Variants in RAB3IL1 observed in about 807,000 individuals in gnomAD.
The protein encoded by RAB3IL1 is RAB3A interacting protein like 1, also known as guanine nucleotide exchange factor for Rab-3A.
Under a neutral mutation model 49.2 loss-of-function variants are expected in RAB3IL1, and 37 were observed. The observed-to-expected ratio is 0.75, with a 90% CI of 0.58 to 0.99. RAB3IL1 has a LOEUF of 0.99. Among genes scored for constraint, RAB3IL1 ranks in the 50% least tolerant of loss-of-function variants. RAB3IL1 has a pLI of 0.00. For missense variants in RAB3IL1, 484 were observed against 513.0 expected, an observed-to-expected ratio of 0.94 and a Z score of 0.55; for synonymous variants, 193 against 213.9, an observed-to-expected ratio of 0.90 and a Z score of 0.85.
rs751497624 is a variant in RAB3IL1 at position 61,908,276 on chromosome 11, C to T, written c.42G>A (p.Pro14=). The stretch of plus-strand genomic sequence containing the variant: ...AGGGGACCGGGACAGCTGCAAGGGG[C>T]GGCGGGAGGCCCTGGTCTGGCTGGG... ...GPPQPDQGLP[P]PLAAVPVPWK... The change falls in exon 2 of 10, where the codon CCG becomes CCA. Residue 14 remains proline, a synonymous_variant. Transcript: ENST00000394836. 3.4e-5 allele frequency: 51 copies of T among 1,497,664 alleles called. No homozygotes were observed. Among genetic ancestry groups the T allele is most frequent in the Non-Finnish European group, 4.3e-5 (48 of 1,125,588 alleles). The allele number at this position is 1,497,664 out of a possible 1,614,324, so 92.8% of individuals were successfully genotyped here. A position where few individuals can be genotyped will look rare whatever the true frequency, so the allele number is the denominator to read the frequency against.
At chr11:61,936,570 T>C in the RAB3IL1 span, among the ~76,000 whole-genome samples, 1 of 152,066 alleles carries the variant, frequency 6.6e-6, no homozygotes, top group Non-Finnish European at 1.5e-5. Context: ...TCAAACTCCT[T>C]ACCTTAAGTG....
At chr11:61,927,765 C>G in the RAB3IL1 span, among the ~76,000 whole-genome samples, 9 of 152,058 alleles carry the variant, frequency 5.9e-5, no homozygotes, top group Non-Finnish European at 2.9e-5. Flanking sequence ...GCACCTCCCC[C>G]TTTGCTCTCT....
intron 1 of RAB3IL1, among the ~76,000 whole-genome samples, chr11:61,915,472 TACCTAGAGGCCCAGAGAAGGAAGTCC>T (rs1565367502): frequency 6.6e-6 from 1 of 152,150 alleles, no homozygotes; most frequent in Non-Finnish European, 1.5e-5. Context: ...CCATTTATTT[TACCTAGAGGCCCAGAGAAGGAAGTCC>T]ACACTCTCAA....
the RAB3IL1 span, among the ~76,000 whole-genome samples, chr11:61,929,027 TTTAA>T: frequency 2.6e-4 from 39 of 152,322 alleles, no homozygotes; most frequent in African/African-American, 8.7e-4. Flanking sequence ...AAAAATTATT[TTTAA>T]TTATGGCTAC....
chr11:61,902,892 C>T (rs1427526112), intron 7 of RAB3IL1, among the ~76,000 whole-genome samples: 5 of 152,252 alleles, frequency 3.3e-5, no homozygotes, highest in Non-Finnish European at 1.5e-5. Context: ...GGCACTCCTC[C>T]CCCAACTAGG....
intron 1 of RAB3IL1, among the ~76,000 whole-genome samples, chr11:61,913,827 C>G (rs1304725801): frequency 6.6e-6 from 1 of 152,292 alleles, no homozygotes; most frequent in Non-Finnish European, 1.5e-5. Flanking sequence ...ATTTGCATCT[C>G]CCTCCCGCTA....
chr11:61,915,800 G>A (rs1157841654), intron 1 of RAB3IL1, among the ~76,000 whole-genome samples: 2 of 152,198 alleles, frequency 1.3e-5, no homozygotes, highest in Non-Finnish European at 2.9e-5. Flanking sequence ...CACTTTGGGA[G>A]GCTGAGGCGG....
upstream of RAB3IL1, among the ~76,000 whole-genome samples, chr11:61,922,108 C>A (rs887279385): frequency 6.6e-6 from 1 of 151,898 alleles, no homozygotes; most frequent in Non-Finnish European, 1.5e-5. Flanking sequence ...ACTCGGGAGG[C>A]TGAGGCAGGA....
chr11:61,934,321 C>T, the RAB3IL1 span, among the ~76,000 whole-genome samples: 30,551 of 105,120 alleles, frequency 0.29, 4,017 homozygotes, highest in East Asian at 0.67. Context: ...AGTAAATATA[C>T]ACACACACAC....
chr11:61,902,383 T>C, intron 8 of RAB3IL1, 59 bp downstream of exon 8: 1 of 1,428,062 alleles, frequency 7.0e-7, no homozygotes, highest in Non-Finnish European at 9.7e-7. Flanking sequence ...CAGGGCCCAG[T>C]GTCCCAGCAC....
chr11:61,902,450 G>T lies in RAB3IL1; in HGVS notation c.991C>A (p.Arg331=). The T allele has an allele frequency of 6.3e-7, 1 of 1,591,760 alleles. No individual in the cohort carries two copies. The highest frequency in any genetic ancestry group is 2.3e-5 in the East Asian group (1 of 43,982). ...TGCAAAGGCTGACTCACCCTGGCCC[G>T]GGAAGATGGCGAGATGTAGTAATGG... ...KSHYYISPSS[R]ARITAVCNFF... The change falls in exon 8 of 10, where the codon CGG becomes AGG. Residue 331 remains arginine (R), a synonymous_variant. Transcript: ENST00000394836.
At position 61,899,292 on chromosome 11, in the gene RAB3IL1, C is replaced by T. The variant is rs775732734; in HGVS notation, c.1066+22G>A. 96 of 1,599,836 alleles carry T rather than the reference C, an allele frequency of 6.0e-5. 1 individual carries two copies. The South Asian group carries it at 8.0e-4, about 13-fold the overall frequency. ...CCCACTCCCGTGTGCGATCCCTGCA[C>T]CGGCCACCAGGGGGCGCTCACCGTC... On this transcript the variant is annotated intron_variant, in intron 9 of 9. Coordinates refer to ENST00000394836, the MANE Select transcript of RAB3IL1 (RefSeq NM_013401.4).
intron 2 of RAB3IL1, 114 bp from the exon 3 acceptor site, chr11:61,907,774 A>T (rs1939273223): frequency 9.8e-7 from 1 of 1,023,128 alleles, no homozygotes; most frequent in Non-Finnish European, 1.5e-6. Flanking sequence ...TGGGGCTCAG[A>T]GTTTATTTCC....
At position 61,905,003 on chromosome 11, in the gene RAB3IL1, C is replaced by T. The variant is rs144010603; in HGVS notation, c.658-121G>A. The T allele has an allele frequency of 9.5e-4, 694 of 730,032 alleles. 1 individual carries two copies. The African/African-American group carries it at 0.011, about 12-fold the overall frequency. 45.2% of individuals were successfully genotyped at this position (730,032 alleles called of 1,614,324 possible). On this transcript the variant is annotated intron_variant, in intron 5 of 9. Transcript: ENST00000394836. ...GGGCAGGCCCAGCAAGCCAGCAGGT[C>T]GATCCCCAGCAGCCGTGCAGGGAAG...
At chr11:61,920,492 C>T (rs915595755), upstream of RAB3IL1, among the ~76,000 whole-genome samples, 6 of 152,200 alleles carry the variant, frequency 3.9e-5, no homozygotes, top group African/African-American at 1.4e-4. Flanking sequence ...CCAGATGGTC[C>T]GCTTGTCCCC....
upstream of RAB3IL1, among the ~76,000 whole-genome samples, chr11:61,923,717 C>G (rs7105951): frequency 8.6e-3 from 1,308 of 152,338 alleles, 23 homozygotes; most frequent in African/African-American, 0.03. Flanking sequence ...CCCCAGGGTT[C>G]CTGAAAGCCA....
chr11:61,943,360 T>C, the RAB3IL1 span, among the ~76,000 whole-genome samples: 3 of 152,178 alleles, frequency 2.0e-5, no homozygotes, highest in Non-Finnish European at 4.4e-5. Context: ...AATTCCTAAA[T>C]GTAAGAACTA....
chr11:61,898,494 G>C lies in RAB3IL1; in HGVS notation c.1067-134C>G. 1.4e-6 allele frequency: 1 copy of C among 713,584 alleles called. No individual in the cohort carries two copies. Among genetic ancestry groups the C allele is most frequent in the Non-Finnish European group, 2.5e-6 (1 of 407,718 alleles). The allele number at this position is 713,584 out of a possible 1,614,324, so 44.2% of individuals were successfully genotyped here. On this transcript the variant is annotated intron_variant, in intron 9 of 9. Coordinates refer to ENST00000394836, the MANE Select transcript of RAB3IL1 (RefSeq NM_013401.4). This position sits in a 1 kb window ranked among gnomAD's most constrained non-coding sequence, Gnocchi z 5.1. ...AGGGTCCCCGGCCCCCAAAACAGAT[G>C]ACCTCAGTGAGTGGCTGGACCTCTC... is the stretch of plus-strand genomic sequence containing the variant.
At chr11:61,922,706 GC>G (rs1376808412), upstream of RAB3IL1, among the ~76,000 whole-genome samples, 1 of 151,672 alleles carries the variant, frequency 6.6e-6, no homozygotes, top group Non-Finnish European at 1.5e-5. Flanking sequence ...ACCCCACCCT[GC>G]CCCGCCCCGC....
Sources: gnomAD v4.1 joint callset for allele counts (sites outside exome capture counted in the v4.1 genomes callset) on GRCh38, gnomAD v4.1.1 for gene constraint, Gnocchi (gnomAD v3.1) non-coding constraint, MANE v1.5 for transcripts, NCBI Gene and HGNC (gene_info 2026-07-23, HGNC 2026-07-21) for gene names.